MYOM1: variants seen among roughly 807,000 people sequenced by gnomAD.
MYOM1 encodes the protein myomesin-1.
MYOM1 carries 164 observed loss-of-function variants against 205.3 expected under a neutral mutation model. The observed-to-expected ratio is 0.80, with a 90% CI of 0.70 to 0.91. The LOEUF is 0.91. Among genes scored for constraint, MYOM1 ranks in the 40% least tolerant of loss-of-function variants. The probability of loss-of-function intolerance (pLI) is 0.00; values close to 1 mark genes in which losing one functional copy is unlikely to be tolerated. For missense variants in MYOM1, 2,011 were observed against 2,127.3 expected (o/e 0.95, Z 1.08); for synonymous variants, 772 against 789.4 (o/e 0.98, Z 0.37).
intron 8 of MYOM1, among the ~76,000 whole-genome samples, chr18:3,169,709 T>G (rs2080527235): frequency 6.6e-6 from 1 of 152,156 alleles, no homozygotes; most frequent in African/African-American, 2.4e-5. Flanking sequence ...GGAACGTAAA[T>G]TAGTACAACC....
At chr18:3,131,988 TAATA>T (rs2079882022) in intron 16 of MYOM1, among the ~76,000 whole-genome samples, 2 of 148,552 alleles carry the variant, frequency 1.3e-5, no homozygotes, top group Non-Finnish European at 3.0e-5. Flanking sequence ...ATGAGGTACT[TAATA>T]AATAATAATT....
chr18:3,241,764 G>A, the MYOM1 span, among the ~76,000 whole-genome samples: 2 of 152,214 alleles, frequency 1.3e-5, no homozygotes, highest in Non-Finnish European at 2.9e-5. Context: ...GTCAGCCTGG[G>A]AAAGCAGCCA....
At chr18:3,182,913 C>CTT (rs549386891) in intron 5 of MYOM1, among the ~76,000 whole-genome samples, 1,282 of 92,312 alleles carry the variant, frequency 0.014, 80 homozygotes, top group Non-Finnish European at 0.024. Context: ...TTTCTTTCTT[C>CTT]TTTTTTTTTT....
At chr18:3,227,101 C>T in the MYOM1 span, among the ~76,000 whole-genome samples, 1 of 152,138 alleles carries the variant, frequency 6.6e-6, no homozygotes, top group Non-Finnish European at 1.5e-5. Flanking sequence ...TTTGTCTCTA[C>T]CTGTTTTTCT....
At chr18:3,232,459 G>A in the MYOM1 span, among the ~76,000 whole-genome samples, 1 of 152,190 alleles carries the variant, frequency 6.6e-6, no homozygotes, top group Non-Finnish European at 1.5e-5. Flanking sequence ...AGAGGGGACA[G>A]GTGGGAAGAC....
chr18:3,092,219 T>C (rs1029191793), intron 26 of MYOM1, among the ~76,000 whole-genome samples: 21 of 151,348 alleles, frequency 1.4e-4, no homozygotes, highest in Non-Finnish European at 3.1e-4. Flanking sequence ...TTTTTAGAGA[T>C]AGGGTCTCGC....
At chr18:3,148,326 G>T (rs1007780840) in intron 13 of MYOM1, among the ~76,000 whole-genome samples, 2 of 152,128 alleles carry the variant, frequency 1.3e-5, no homozygotes, top group Admixed American at 6.6e-5. Flanking sequence ...AAATACTTTG[G>T]AACGAATTGA....
At chr18:3,102,392 G>T in intron 23 of MYOM1, 82 bp downstream of exon 23, 1 of 1,320,060 alleles carries the variant, frequency 7.6e-7, no homozygotes, top group Non-Finnish European at 1.0e-6. Flanking sequence ...CTTATTCCAA[G>T]CAATTTAAGT....
intron 2 of MYOM1, among the ~76,000 whole-genome samples, chr18:3,203,694 TC>T (rs1234427512): frequency 1.3e-5 from 2 of 150,430 alleles, no homozygotes; most frequent in African/African-American, 4.9e-5. Context: ...ATGAAGTCTA[TC>T]AAATACTTAA....
At chr18:3,235,512 G>A in the MYOM1 span, among the ~76,000 whole-genome samples, 3 of 152,234 alleles carry the variant, frequency 2.0e-5, no homozygotes, top group Non-Finnish European at 4.4e-5. Context: ...TGAGGACACA[G>A]TCCCTGCTTC....
At chr18:3,134,354 G>C (rs1306425086) in intron 16 of MYOM1, among the ~76,000 whole-genome samples, 1 of 152,042 alleles carries the variant, frequency 6.6e-6, no homozygotes. Flanking sequence ...TGAGTAGCTA[G>C]GACTACAGGC....
chr18:3,111,485 A>G (rs2079526459), intron 22 of MYOM1, among the ~76,000 whole-genome samples: 1 of 152,118 alleles, frequency 6.6e-6, no homozygotes, highest in African/African-American at 2.4e-5. Context: ...GACCACTGTT[A>G]GTTTAGCCCA....
chr18:3,096,719 G>A (rs6506057), intron 25 of MYOM1, among the ~76,000 whole-genome samples: 28,620 of 152,020 alleles, frequency 0.19, 2,811 homozygotes, highest in East Asian at 0.2. Flanking sequence ...TATAGTGCAT[G>A]TATACAAGAG....
chr18:3,133,373 T>C (rs1016194307), intron 16 of MYOM1, among the ~76,000 whole-genome samples: 7 of 152,192 alleles, frequency 4.6e-5, no homozygotes, highest in Admixed American at 3.9e-4. Context: ...CCTCTCATAC[T>C]GGTCTCTGGT....
At chr18:3,244,936 CA>C in the MYOM1 span, among the ~76,000 whole-genome samples, 2,438 of 110,238 alleles carry the variant, frequency 0.022, 67 homozygotes, top group African/African-American at 0.074. Flanking sequence ...AATAAAAATA[CA>C]AAAAAAAAAA....
intron 16 of MYOM1, among the ~76,000 whole-genome samples, chr18:3,132,811 A>G (rs535495159): frequency 1.3e-5 from 2 of 152,314 alleles, no homozygotes; most frequent in African/African-American, 4.8e-5. Context: ...TCATCCATAA[A>G]AACAACCTAA....
At chr18:3,089,678 T>G (rs1032726119) in intron 27 of MYOM1, 82 bp from the exon 28 acceptor site, 3 of 1,067,078 alleles carry the variant, frequency 2.8e-6, no homozygotes, top group Non-Finnish European at 1.4e-6. Flanking sequence ...AAGTGATTTA[T>G]ATTCATTATT....
At chr18:3,225,798 G>T in the MYOM1 span, among the ~76,000 whole-genome samples, 7 of 152,182 alleles carry the variant, frequency 4.6e-5, no homozygotes, top group Non-Finnish European at 1.0e-4. Context: ...CCCCCTCTCT[G>T]GTTAATGAAG....
chr18:3,104,599 C>T (rs2079425560), intron 22 of MYOM1, among the ~76,000 whole-genome samples: 1 of 152,118 alleles, frequency 6.6e-6, no homozygotes, highest in African/African-American at 2.4e-5. Flanking sequence ...TCTCTAAATG[C>T]TGTAGATAAC....
Sources: gnomAD v4.1 joint callset for allele counts (sites outside exome capture counted in the v4.1 genomes callset) on GRCh38, gnomAD v4.1.1 for gene constraint, MANE v1.5 for transcripts, NCBI Gene and HGNC (gene_info 2026-07-23, HGNC 2026-07-21) for gene names.